Variants in DARS1 observed in about 807,000 individuals in gnomAD.
DARS1 encodes the protein aspartate--tRNA ligase, cytoplasmic.
Under a neutral mutation model 68.8 loss-of-function variants are expected in DARS1, and 51 were observed. The observed-to-expected ratio is 0.74, with a 90% confidence interval of 0.59 to 0.94. The LOEUF is 0.94. Among genes scored for constraint, DARS1 ranks in the 40% least tolerant of loss-of-function variants. DARS1 has a pLI of 0.00. For missense variants in DARS1, 607 were observed against 597.3 expected (o/e 1.02, Z -0.17); for synonymous variants, 203 against 190.4 (o/e 1.07, Z -0.55).
chr2:135,928,883 CTG>C lies in DARS1; in HGVS notation c.564+3898_564+3899del, dbSNP rs573257036. ...TGAATTCCTGACCTCAAGTGATCCA[CTG>C]TGCTCGGCCAGAATTATGTAGAATT... On this transcript the variant is annotated intron_variant, in intron 7 of 15. Coordinates refer to ENST00000264161, the MANE Select transcript of DARS1 (RefSeq NM_001349.4). Among the ~76,000 whole-genome samples the C allele has an allele frequency of 1.9e-3, 290 of 152,252 alleles. 2 individuals carry two copies. Among genetic ancestry groups the C allele is most frequent in the African/African-American group, 6.6e-3 (276 of 41,554 alleles).
intron 7 of DARS1, 70 bp from the exon 8 acceptor site, chr2:135,924,568 G>A (rs1681175003): frequency 2.6e-6 from 4 of 1,523,058 alleles, no homozygotes; most frequent in Non-Finnish European, 3.5e-6. Context: ...TGTGGGCTAG[G>A]CACTGTGGAA....
At chr2:135,933,536 T>C (rs1361670384) in intron 6 of DARS1, among the ~76,000 whole-genome samples, 1 of 152,216 alleles carries the variant, frequency 6.6e-6, no homozygotes, top group Non-Finnish European at 1.5e-5. Context: ...TTTTTTGCTT[T>C]GGACAACTGT....
rs551251320 is a variant in DARS1 at position 135,923,451 on chromosome 2, G to A, written c.677-533C>T. Among the ~76,000 whole-genome samples, 29 of 152,002 alleles carry A rather than the reference G, an allele frequency of 1.9e-4. 1 individual carries two copies. The highest frequency in any genetic ancestry group is 3.4e-3 in the Middle Eastern group (1 of 294). On this transcript the variant is annotated intron_variant, in intron 8 of 15. Coordinates refer to ENST00000264161, the MANE Select transcript of DARS1 (RefSeq NM_001349.4). ...ACTACAGGCGTCAACCACCGCGCCC[G>A]GCTAGTTTTTGTATTTTTAGTACAG... is the stretch of plus-strand genomic sequence containing the variant.
At chr2:135,965,583 T>C (rs1682206795) in intron 3 of DARS1, among the ~76,000 whole-genome samples, 1 of 152,228 alleles carries the variant, frequency 6.6e-6, no homozygotes. Flanking sequence ...TATTACTCAA[T>C]GCTTGGGAGA....
At chr2:135,911,652 G>A in intron 13 of DARS1, 159 bp from the exon 14 acceptor site, 1 of 533,334 alleles carries the variant, frequency 1.9e-6, no homozygotes, top group Non-Finnish European at 3.3e-6. Context: ...ACTGAGGGCT[G>A]AATAACTTTT....
intron 3 of DARS1, among the ~76,000 whole-genome samples, chr2:135,966,880 T>A (rs1028699310): frequency 6.6e-6 from 1 of 152,228 alleles, no homozygotes; most frequent in Non-Finnish European, 1.5e-5. Context: ...GCATTTTGAT[T>A]AAGTTTTCAG....
chr2:135,972,583 A>G (rs1031840315), intron 3 of DARS1, among the ~76,000 whole-genome samples: 1 of 152,194 alleles, frequency 6.6e-6, no homozygotes, highest in Non-Finnish European at 1.5e-5. Context: ...ATGGGATCAC[A>G]TCAAGTTAAA....
chr2:135,926,158 T>C (rs895518504), intron 7 of DARS1, among the ~76,000 whole-genome samples: 2 of 152,194 alleles, frequency 1.3e-5, no homozygotes, highest in African/African-American at 4.8e-5. Flanking sequence ...CCCAAAGTGC[T>C]GGGATTACAG....
At chr2:135,941,856 G>T (rs1183003511) in intron 5 of DARS1, among the ~76,000 whole-genome samples, 2 of 152,096 alleles carry the variant, frequency 1.3e-5, no homozygotes, top group African/African-American at 2.4e-5. Context: ...GATATGAACA[G>T]ACACTTCTCA....
chr2:135,976,470 C>A (rs1037430320), intron 3 of DARS1, among the ~76,000 whole-genome samples: 12 of 152,174 alleles, frequency 7.9e-5, no homozygotes, highest in African/African-American at 2.2e-4. Context: ...CTGTTCATAA[C>A]ATTGACACTC....
rs745763468 is a variant in DARS1, at chr2:135,932,855, AAAAAG to A, written c.505-18_505-14del. 8.4e-7 allele frequency: 1 copy of A among 1,191,888 alleles called. No homozygotes were observed. Among genetic ancestry groups the A allele is most frequent in the East Asian group, 2.3e-5 (1 of 42,604 alleles). 73.8% of individuals were successfully genotyped at this position (1,191,888 alleles called of 1,614,324 possible). On this transcript the variant is annotated splice_polypyrimidine_tract_variant and intron_variant, in intron 6 of 15. Coordinates refer to ENST00000264161, the MANE Select transcript of DARS1 (RefSeq NM_001349.4). ...TAGCTCTTCCTTCCTAAAAAAAAAAAAAAAGAAAAGAAAAAAATAAATTTTACTAA... is the reference window on the plus strand; with the variant it reads ...TAGCTCTTCCTTCCTAAAAAAAAAAAAAAAGAAAAAAATAAATTTTACTAA...
intron 3 of DARS1, among the ~76,000 whole-genome samples, chr2:135,974,883 A>G (rs987977551): frequency 6.6e-6 from 1 of 152,232 alleles, no homozygotes; most frequent in African/African-American, 2.4e-5. Flanking sequence ...ACAATATATA[A>G]AAGAAGTTCA....
At chr2:135,971,198 T>C (rs1682361059) in intron 3 of DARS1, among the ~76,000 whole-genome samples, 1 of 152,102 alleles carries the variant, frequency 6.6e-6, no homozygotes, top group Non-Finnish European at 1.5e-5. Context: ...CTCAACAAAA[T>C]ACTAGCAAAC....
At position 135,922,852 on chromosome 2, in the gene DARS1, T is replaced by G; in HGVS notation, c.743A>C (p.Gln248Pro). The change falls in exon 9 of 16, where the codon CAG (glutamine) becomes CCG (proline). Residue 248 changes from glutamine to proline, a missense_variant. Coordinates refer to ENST00000264161, the MANE Select transcript of DARS1 (RefSeq NM_001349.4). ...CATTTGCTTATATAGCTGTGGGGACTGAGCCAGGTATGCATTATTTTTAAA... is the reference window on the plus strand; with the variant it reads ...CATTTGCTTATATAGCTGTGGGGACGGAGCCAGGTATGCATTATTTTTAAA... ...SYFKNNAYLAQSPQLYKQMCI... is the reference protein window; with the variant it reads ...SYFKNNAYLAPSPQLYKQMCI... The G allele has an allele frequency of 6.3e-7, 1 of 1,589,950 alleles. No homozygotes were observed. The highest frequency in any genetic ancestry group is 1.4e-5 in the African/African-American group (1 of 73,902).
chr2:135,972,461 G>T (rs1682393802), intron 3 of DARS1, among the ~76,000 whole-genome samples: 1 of 152,114 alleles, frequency 6.6e-6, no homozygotes, highest in East Asian at 1.9e-4. Flanking sequence ...CTAAGACTTT[G>T]AACTATAATA....
intron 3 of DARS1, among the ~76,000 whole-genome samples, chr2:135,965,923 T>C (rs1416540190): frequency 6.6e-6 from 1 of 152,172 alleles, no homozygotes; most frequent in Non-Finnish European, 1.5e-5. Context: ...TCAGACTACT[T>C]CTCTATGAAG....
intron 4 of DARS1, among the ~76,000 whole-genome samples, chr2:135,956,410 G>T (rs1681977917): frequency 6.6e-6 from 1 of 152,190 alleles, no homozygotes; most frequent in Admixed American, 6.5e-5. Context: ...TTGAAGGCAG[G>T]CGAGGGTGAT....
chr2:135,961,492 T>C lies in DARS1; in HGVS notation c.224A>G (p.Gln75Arg). The C allele has an allele frequency of 2.1e-6, 3 of 1,431,118 alleles. No homozygotes were observed. Among genetic ancestry groups the C allele is most frequent in the South Asian group, 1.1e-5 (1 of 87,474 alleles). The allele number at this position is 1,431,118 out of a possible 1,614,324, so 88.7% of individuals were successfully genotyped here. ...RVHTSRAKGK[Q>R]CFLVLRQQQF... Reference sequence around the variant, plus strand: ...CTGCTGACGTAGGACTAAGAAGCACTGTTTCCCTGAAAAAGACAGAAAGAA... The same window carrying C: ...CTGCTGACGTAGGACTAAGAAGCACCGTTTCCCTGAAAAAGACAGAAAGAA... Residue 75 changes from glutamine to arginine, a missense_variant, in exon 4 of 16, where the codon CAG becomes CGG. Gln to Arg is a conservative substitution (Grantham distance 43). Transcript: ENST00000264161.
intron 1 of DARS1, 196 bp downstream of exon 1, chr2:135,985,207 C>G (rs1682747329): frequency 2.3e-6 from 2 of 873,674 alleles, no homozygotes; most frequent in South Asian, 2.3e-5. Flanking sequence ...CCAGGTGACC[C>G]CCGCAAGAAA....
Sources: gnomAD v4.1 joint callset for allele counts (sites outside exome capture counted in the v4.1 genomes callset) on GRCh38, gnomAD v4.1.1 for gene constraint, MANE v1.5 for transcripts, NCBI Gene and HGNC (gene_info 2026-07-23, HGNC 2026-07-21) for gene names.